The following NCOR2 variants were observed in gnomAD, a reference collection of about 807,000 sequenced individuals.
NCOR2 encodes the protein nuclear receptor corepressor 2.
NCOR2 carries 81 observed loss-of-function variants against 262.9 expected under a neutral mutation model. The observed-to-expected ratio is 0.31, with a 90% confidence interval of 0.26 to 0.37. NCOR2 has a LOEUF of 0.37. Ranked by LOEUF, NCOR2 falls within the 10% of genes least tolerant of loss-of-function variation. The pLI, the probability that NCOR2 is intolerant of heterozygous loss-of-function variation, is 1.00. For missense variants in NCOR2, 3,385 were observed against 3,621.4 expected, an observed-to-expected ratio of 0.93 and a Z score of 1.68; for synonymous variants, 1,659 against 1,559.3, an observed-to-expected ratio of 1.06 and a Z score of -1.51.
At chr12:124,349,615 CG>C (rs2037262345) in intron 28 of NCOR2, among the ~76,000 whole-genome samples, 2 of 152,140 alleles carry the variant, frequency 1.3e-5, no homozygotes, top group Non-Finnish European at 1.5e-5. Flanking sequence ...TCACACCTGC[CG>C]CTGCCTGCAC....
intron 11 of NCOR2, among the ~76,000 whole-genome samples, chr12:124,423,388 G>A (rs1450724425): frequency 6.6e-6 from 1 of 152,192 alleles, no homozygotes; most frequent in East Asian, 1.9e-4. Flanking sequence ...ACGGAGGGAG[G>A]CTGAGTGAGC....
intron 3 of NCOR2, among the ~76,000 whole-genome samples, chr12:124,479,443 GCA>G (rs1262984529): frequency 2.7e-5 from 3 of 109,158 alleles, no homozygotes; most frequent in Non-Finnish European, 6.1e-5. Flanking sequence ...GCACATGTGT[GCA>G]CACACGCATA....
At chr12:124,361,354 C>T (rs1347264375) in intron 22 of NCOR2, among the ~76,000 whole-genome samples, 1 of 152,246 alleles carries the variant, frequency 6.6e-6, no homozygotes, top group South Asian at 2.1e-4. Flanking sequence ...CAAGGCACAA[C>T]AGCACCTGCT....
chr12:124,437,916 C>T lies in NCOR2; in HGVS notation c.882+14G>A, dbSNP rs749247592. The T allele has an allele frequency of 8.1e-6, 13 of 1,608,828 alleles. No individual in the cohort carries two copies. Among genetic ancestry groups the T allele is most frequent in the African/African-American group, 2.7e-5 (2 of 74,852 alleles). ...TCTCAAGGAAAGCTGATGGGGGCCACGGTGTGGACTTACCCATTGTTTCCG... is the reference window on the plus strand; with the variant it reads ...TCTCAAGGAAAGCTGATGGGGGCCATGGTGTGGACTTACCCATTGTTTCCG... On this transcript the variant is annotated intron_variant, in intron 8 of 46. Transcript: ENST00000405201.
At chr12:124,368,208 G>A (rs982102302) in intron 20 of NCOR2, among the ~76,000 whole-genome samples, 1 of 152,238 alleles carries the variant, frequency 6.6e-6, no homozygotes, top group South Asian at 2.1e-4. Context: ...CAGCACGTGG[G>A]GCCGAGTGGG....
chr12:124,554,610 G>A (rs548917121), intron 1 of NCOR2, among the ~76,000 whole-genome samples: 2 of 152,330 alleles, frequency 1.3e-5, no homozygotes, highest in East Asian at 3.9e-4. Flanking sequence ...ACGGACGGGG[G>A]CTGTGACACA....
At chr12:124,395,975 G>A (rs748570074) in intron 16 of NCOR2, among the ~76,000 whole-genome samples, 7 of 152,184 alleles carry the variant, frequency 4.6e-5, no homozygotes, top group African/African-American at 7.2e-5. Flanking sequence ...ATGAACGACC[G>A]ACAAAATGTG....
At chr12:124,444,077 A>G (rs779327332) in intron 7 of NCOR2, among the ~76,000 whole-genome samples, 10 of 152,096 alleles carry the variant, frequency 6.6e-5, no homozygotes, top group Non-Finnish European at 1.5e-4. Context: ...CTCCTGGTTT[A>G]TGATGCCCAC....
intron 7 of NCOR2, among the ~76,000 whole-genome samples, chr12:124,444,375 G>A (rs896483079): frequency 3.4e-5 from 5 of 145,154 alleles, no homozygotes; most frequent in African/African-American, 1.2e-4. Flanking sequence ...CACTGGAGAG[G>A]AGAAGCAGGA....
intron 1 of NCOR2, among the ~76,000 whole-genome samples, chr12:124,489,008 G>C (rs557140816): frequency 6.6e-6 from 1 of 151,990 alleles, no homozygotes; most frequent in Admixed American, 6.5e-5. Flanking sequence ...CTAAACCCTG[G>C]GAGACACTCG....
Position 124,414,608 on chromosome 12 carries a change from G to T in NCOR2, c.1482+5349C>A, listed in dbSNP as rs1310345835. On this transcript the variant is annotated intron_variant, in intron 13 of 46. Transcript: ENST00000405201. ...CAAAACTAGAGGGCCCAGGAAGGGA[G>T]GGAGAACCCGACCTGCTGCCCTCCA... Among the ~76,000 whole-genome samples the T allele has an allele frequency of 3.3e-5, 5 of 152,238 alleles. No individual in the cohort carries two copies. In the South Asian group the frequency reaches 1.0e-3, roughly 32 times the overall value.
intron 7 of NCOR2, among the ~76,000 whole-genome samples, chr12:124,447,799 C>T (rs768555487): frequency 3.3e-4 from 50 of 151,840 alleles, no homozygotes; most frequent in Non-Finnish European, 7.1e-4. Flanking sequence ...TGGGCTCAAG[C>T]GATTCTCCCT....
At chr12:124,392,902 G>A (rs2041408664) in intron 16 of NCOR2, among the ~76,000 whole-genome samples, 1 of 152,248 alleles carries the variant, frequency 6.6e-6, no homozygotes, top group Admixed American at 6.5e-5. Flanking sequence ...GAGGCCTCTG[G>A]GGTCTGCCCG....
chr12:124,378,316 G>A lies in NCOR2; in HGVS notation c.2088C>T (p.Phe696=). The stretch of plus-strand genomic sequence containing the variant: ...TCTCCTCATCCTCCACCACGGGCGG[G>A]AATGCAGCCTCCTCGCTGGCCGCCG... Residue 696 remains phenylalanine, a synonymous_variant, in exon 18 of 47, where the codon TTC becomes TTT. Transcript: ENST00000405201. This position sits in a 1 kb window ranked among gnomAD's most constrained non-coding sequence, Gnocchi z 4.2. 1 of 1,613,974 alleles carries A rather than the reference G, an allele frequency of 6.2e-7. No homozygotes were observed. The highest frequency in any genetic ancestry group is 8.5e-7 in the Non-Finnish European group (1 of 1,179,922).
intron 18 of NCOR2, among the ~76,000 whole-genome samples, chr12:124,375,122 G>C (rs892721995): frequency 6.6e-6 from 1 of 152,236 alleles, no homozygotes; most frequent in Non-Finnish European, 1.5e-5. Context: ...AGGTTAATCA[G>C]CTTGCCCAAG....
In NCOR2 at chr12:124,350,686, C is replaced by T. The variant is rs201817923; in HGVS notation, c.3745G>A (p.Glu1249Lys). ...CGGTCCAAGCGACTCGGGCTGTCCT[C>T]GCCGATGATCCTGGTGATGGTGCCC... The change falls in exon 28 of 47, where the codon GAG becomes AAG. Residue 1249 changes from glutamate (E) to lysine (K), a missense_variant. Physicochemically the swap from Glu to Lys is moderately conservative, Grantham distance 56. Around this residue, in one of 5 missense-constraint regions of NCOR2, gnomAD observed 1,615 missense variants for 1,626.9 expected, o/e 0.99. Transcript: ENST00000405201. The T allele has an allele frequency of 8.1e-6, 13 of 1,613,490 alleles. No homozygotes were observed. In the African/African-American group the frequency reaches 9.3e-5, roughly 12 times the overall value.
chr12:124,557,683 G>A (rs1215614623), intron 1 of NCOR2, among the ~76,000 whole-genome samples: 1 of 152,086 alleles, frequency 6.6e-6, no homozygotes, highest in Non-Finnish European at 1.5e-5. Flanking sequence ...AGTGGCAGAC[G>A]ATGCGAAAAT....
chr12:124,419,667 G>A (rs1157227740), intron 13 of NCOR2, among the ~76,000 whole-genome samples: 1 of 152,252 alleles, frequency 6.6e-6, no homozygotes, highest in Non-Finnish European at 1.5e-5. Context: ...CACCCAGTCA[G>A]GAGTCTGGGA....
intron 26 of NCOR2, 121 bp from the exon 29 acceptor site, chr12:124,354,317 G>T (rs1593181504): frequency 1.7e-6 from 2 of 1,211,172 alleles, no homozygotes; most frequent in Non-Finnish European, 2.3e-6. Context: ...TCAACGCAGA[G>T]GGAGTCCCCC....
Sources: allele counts gnomAD v4.1 joint callset (sites outside exome capture counted in the v4.1 genomes callset), GRCh38; gene constraint gnomAD v4.1.1; regional missense constraint gnomAD v4.1.1; non-coding constraint Gnocchi (gnomAD v3.1); transcripts MANE v1.5; gene names NCBI Gene and HGNC (gene_info 2026-07-23, HGNC 2026-07-21).